The following TRIM54 variants were observed in gnomAD, a reference collection of about 807,000 sequenced individuals.
The protein encoded by TRIM54 is tripartite motif-containing protein 54.
A neutral mutation model predicts 42.0 loss-of-function variants in TRIM54; 40 were observed. The ratio of observed to expected loss-of-function variants is 0.95; its 90% CI spans 0.74 to 1.24. The LOEUF (loss-of-function observed/expected upper bound fraction) is 1.24. Among genes scored for constraint, TRIM54 ranks in the 50% most tolerant of loss-of-function variants. The probability of loss-of-function intolerance (pLI) is 0.00; values close to 1 mark genes in which losing one functional copy is unlikely to be tolerated. For missense variants in TRIM54, 485 were observed against 480.3 expected, an observed-to-expected ratio of 1.01 and a Z score of -0.09; for synonymous variants, 199 against 194.9, an observed-to-expected ratio of 1.02 and a Z score of -0.17.
chr2:27,297,907 G>A (rs1010354438), intron 1 of TRIM54, among the ~76,000 whole-genome samples: 1 of 151,408 alleles, frequency 6.6e-6, no homozygotes, highest in African/African-American at 2.4e-5. Flanking sequence ...CTTGAGCCCA[G>A]GAGGTCGAGG....
chr2:27,304,443 C>T (rs114958490), intron 3 of TRIM54, among the ~76,000 whole-genome samples: 311 of 8,756 alleles, frequency 0.036, no homozygotes, highest in African/African-American at 0.13. Context: ...AAAAAATCAA[C>T]GAATGAATTG....
intron 1 of TRIM54, among the ~76,000 whole-genome samples, chr2:27,285,356 T>C (rs535025085): frequency 8.5e-5 from 13 of 152,312 alleles, no homozygotes; most frequent in African/African-American, 3.1e-4. Context: ...TTGGAAAGAA[T>C]AGGACTTTTC....
At chr2:27,283,109 G>A (rs944063714) in intron 1 of TRIM54, among the ~76,000 whole-genome samples, 2 of 152,168 alleles carry the variant, frequency 1.3e-5, no homozygotes, top group African/African-American at 4.8e-5. Flanking sequence ...GGCAGGTACA[G>A]CCTGTGCATA....
At chr2:27,299,716 C>CT (rs397686978) in intron 3 of TRIM54, 10 of 609,910 alleles carry the variant, frequency 1.6e-5, no homozygotes, top group Middle Eastern at 5.1e-4. Context: ...ATCTATCTAT[C>CT]ATATTTTGAG....
chr2:27,294,822 G>A (rs553663035), intron 1 of TRIM54, among the ~76,000 whole-genome samples: 2 of 145,700 alleles, frequency 1.4e-5, no homozygotes, highest in African/African-American at 2.5e-5. Context: ...CCCAGGAGAT[G>A]GAGGTTGCAG....
Position 27,306,277 on chromosome 2 carries a change from C to G in TRIM54, c.931C>G (p.Gln311Glu), listed in dbSNP as rs546094590. Residue 311 changes from glutamine (Q) to glutamate (E), a missense_variant, in exon 7 of 9, where the codon CAA (glutamine) becomes GAA (glutamate). Physicochemically the swap from Gln to Glu is conservative, Grantham distance 29 (BLOSUM62 2). Transcript: ENST00000380075. This position sits in a 1 kb window ranked among gnomAD's most constrained non-coding sequence, Gnocchi z 6.1. ...GGAGCCAGGCTATGAGAGCATGGAG[C>G]AATTCACCGTAAGGGTGGAGCACGT... ...RPEPGYESME[Q>E]FTVRVEHVAE... is the part of the protein sequence containing the mutation. 1 of 1,614,136 alleles carries G rather than the reference C, an allele frequency of 6.2e-7. No individual in the cohort carries two copies. The highest frequency in any genetic ancestry group is 1.3e-5 in the African/African-American group (1 of 75,054).
At chr2:27,300,834 C>G (rs902631764) in intron 3 of TRIM54, among the ~76,000 whole-genome samples, 6 of 152,022 alleles carry the variant, frequency 3.9e-5, no homozygotes, top group African/African-American at 1.4e-4. Flanking sequence ...CCACGGCACT[C>G]CAGCCTGGGT....
At position 27,299,303 on chromosome 2, in the gene TRIM54, AT is replaced by A. The variant is rs1314575060; in HGVS notation, c.401del (p.Ile134ThrfsTer6). 1 of 1,614,154 alleles carries A rather than the reference AT, an allele frequency of 6.2e-7. No individual in the cohort carries two copies. The highest frequency in any genetic ancestry group is 1.3e-5 in the African/African-American group (1 of 75,042). On this transcript the variant is annotated frameshift_variant, in exon 3 of 9. Transcript: ENST00000380075. LOFTEE classifies it high-confidence loss of function. ...LMCEEHEEEK[I>X]NIYCLSCEVP... Reference sequence around the variant, plus strand: ...GTGCGAGGAGCATGAAGAAGAGAAGATCAATATTTACTGCCTGAGCTGTGAG... The same window carrying A: ...GTGCGAGGAGCATGAAGAAGAGAAGACAATATTTACTGCCTGAGCTGTGAG...
intron 3 of TRIM54, among the ~76,000 whole-genome samples, chr2:27,301,666 T>C (rs1304133580): frequency 2.0e-5 from 3 of 152,162 alleles, no homozygotes; most frequent in African/African-American, 7.2e-5. Flanking sequence ...CAACCTGTTT[T>C]ATCAGCAAGG....
At chr2:27,300,820 TGCACCACG>T (rs1679016182) in intron 3 of TRIM54, among the ~76,000 whole-genome samples, 1 of 152,012 alleles carries the variant, frequency 6.6e-6, no homozygotes, top group African/African-American at 2.4e-5. Flanking sequence ...GAGCCATGAT[TGCACCACG>T]GCACTCCAGC....
intron 1 of TRIM54, among the ~76,000 whole-genome samples, chr2:27,292,214 C>G (rs568626303): frequency 6.6e-6 from 1 of 152,298 alleles, no homozygotes; most frequent in African/African-American, 2.4e-5. Flanking sequence ...TCAGTTCTGG[C>G]TGTGGGGAGT....
chr2:27,302,256 C>T (rs915768154), intron 3 of TRIM54, among the ~76,000 whole-genome samples: 1 of 150,772 alleles, frequency 6.6e-6, no homozygotes, highest in Non-Finnish European at 1.5e-5. Flanking sequence ...CGGGACCATC[C>T]TGGCTAACAC....
At chr2:27,292,183 C>T (rs1678737197) in intron 1 of TRIM54, among the ~76,000 whole-genome samples, 1 of 152,178 alleles carries the variant, frequency 6.6e-6, no homozygotes, top group Admixed American at 6.5e-5. Flanking sequence ...TAGTGTGCCT[C>T]CCTCAGGTCA....
At chr2:27,293,177 A>G (rs1454156638) in intron 1 of TRIM54, among the ~76,000 whole-genome samples, 2 of 151,978 alleles carry the variant, frequency 1.3e-5, no homozygotes, top group African/African-American at 2.4e-5. Flanking sequence ...CTGTCTGCTT[A>G]TCACTCCCCT....
At position 27,298,704 on chromosome 2, in the gene TRIM54, G is replaced by T. The variant is rs750346891; in HGVS notation, c.306G>T (p.Glu102Asp). The change falls in exon 2 of 9, where the codon GAG (glutamate) becomes GAT (aspartate). Residue 102 changes from glutamate to aspartate, a missense_variant. Physicochemically the swap from Glu to Asp is conservative, Grantham distance 45. Transcript: ENST00000380075. ...GCCTGCAGCGAAACCTGCTAGTGGA[G>T]AACATTATCGACATTTACAAGCAGG... The part of the protein sequence containing the change: ...VYGLQRNLLV[E>D]NIIDIYKQES... The T allele has an allele frequency of 1.2e-5, 19 of 1,614,034 alleles. No individual in the cohort carries two copies. The highest frequency in any genetic ancestry group is 6.7e-5 in the Admixed American group (4 of 59,994).
chr2:27,298,076 G>A (rs532634275), intron 1 of TRIM54, among the ~76,000 whole-genome samples: 1 of 150,952 alleles, frequency 6.6e-6, no homozygotes, highest in Non-Finnish European at 1.5e-5. Context: ...CAATTTTCTA[G>A]AATTACCTGG....
Position 27,306,135 on chromosome 2 carries a change from G to A in TRIM54, c.866+33G>A, listed in dbSNP as rs371952730. On this transcript the variant is annotated intron_variant, in intron 6 of 8. Coordinates refer to ENST00000380075, the MANE Select transcript of TRIM54 (RefSeq NM_187841.3). This position sits in a 1 kb window ranked among gnomAD's most constrained non-coding sequence, Gnocchi z 6.1. ...GGCATAGCGGGAAGGGAAAGGAGGGGGCTGCACTGCTCCACTGGCTGGGGT... is the reference window on the plus strand; with the variant it reads ...GGCATAGCGGGAAGGGAAAGGAGGGAGCTGCACTGCTCCACTGGCTGGGGT... 5.6e-6 allele frequency: 9 copies of A among 1,613,916 alleles called. No individual in the cohort carries two copies. In the African/African-American group the frequency reaches 9.3e-5, roughly 17 times the overall value.
chr2:27,283,721 G>C (rs1678452054), intron 1 of TRIM54, among the ~76,000 whole-genome samples: 1 of 149,194 alleles, frequency 6.7e-6, no homozygotes, highest in African/African-American at 2.5e-5. Context: ...GGTTCTAGTA[G>C]GCTATAAAAT....
chr2:27,305,198 C>G, intron 4 of TRIM54, 144 bp downstream of exon 4: 1 of 691,942 alleles, frequency 1.4e-6, no homozygotes, highest in Non-Finnish European at 2.5e-6. Context: ...GGTGCTTTTG[C>G]CAGGCTGCTG....
Sources: allele counts gnomAD v4.1 joint callset (sites outside exome capture counted in the v4.1 genomes callset), GRCh38; gene constraint gnomAD v4.1.1; non-coding constraint Gnocchi (gnomAD v3.1); transcripts MANE v1.5; gene names NCBI Gene and HGNC (gene_info 2026-07-23, HGNC 2026-07-21).